Variants in DCLK1 observed in about 807,000 individuals in gnomAD.
DCLK1 encodes serine/threonine-protein kinase DCLK1.
A neutral mutation model predicts 86.2 loss-of-function variants in DCLK1; 16 were observed. That is an observed-to-expected ratio of 0.19 (90% CI 0.13 to 0.28). The LOEUF is 0.28. Ranked by LOEUF, DCLK1 falls within the 10% of genes least tolerant of loss-of-function variation. DCLK1 has a pLI of 1.00. For synonymous variants in DCLK1, 369 were observed against 370.5 expected (o/e 1.00, Z 0.05); for missense variants, 590 against 940.2 (o/e 0.63, Z 4.87).
chr13:36,002,218 C>T (rs1291460536), intron 3 of DCLK1, among the ~76,000 whole-genome samples: 3 of 152,118 alleles, frequency 2.0e-5, no homozygotes, highest in African/African-American at 7.2e-5. Flanking sequence ...AGTGAGGTGA[C>T]AAACATTTCC....
intron 3 of DCLK1, among the ~76,000 whole-genome samples, chr13:36,086,169 C>T (rs532914729): frequency 6.6e-6 from 1 of 152,272 alleles, no homozygotes; most frequent in Admixed American, 6.5e-5. Flanking sequence ...CACTGTTTAC[C>T]CATCTGACAT....
chr13:35,792,111 A>C (rs937949830), intron 16 of DCLK1, among the ~76,000 whole-genome samples: 4 of 152,248 alleles, frequency 2.6e-5, no homozygotes, highest in Admixed American at 6.5e-5. Flanking sequence ...GAACAACTTG[A>C]AATTTTAAAA....
intron 3 of DCLK1, among the ~76,000 whole-genome samples, chr13:36,033,874 G>A (rs954021875): frequency 2.6e-5 from 4 of 152,158 alleles, no homozygotes; most frequent in African/African-American, 9.7e-5. Flanking sequence ...GTGGTGAGCC[G>A]AAGTCGCACC....
intron 11 of DCLK1, among the ~76,000 whole-genome samples, chr13:35,820,978 C>T (rs2087379761): frequency 6.6e-6 from 1 of 152,226 alleles, no homozygotes; most frequent in Non-Finnish European, 1.5e-5. Flanking sequence ...ATGTGTCTCT[C>T]TTGTTCCCTG....
intron 3 of DCLK1, among the ~76,000 whole-genome samples, chr13:36,042,161 G>A (rs972422433): frequency 6.6e-6 from 1 of 152,156 alleles, no homozygotes; most frequent in Non-Finnish European, 1.5e-5. Context: ...GGGAATATTT[G>A]GCATCCTGTC....
chr13:35,822,321 T>C (rs755324722), intron 11 of DCLK1, among the ~76,000 whole-genome samples: 2 of 138,784 alleles, frequency 1.4e-5, no homozygotes, highest in Non-Finnish European at 3.1e-5. Flanking sequence ...GTCCGGCTAA[T>C]TAAAAAAAAT....
At chr13:35,833,289 A>C (rs901324636) in intron 8 of DCLK1, among the ~76,000 whole-genome samples, 2 of 152,144 alleles carry the variant, frequency 1.3e-5, no homozygotes, top group African/African-American at 2.4e-5. Context: ...TGGCTCGTGT[A>C]GTTATTAGTC....
At position 36,013,644 on chromosome 13, in the gene DCLK1, G is replaced by T. The variant is rs1465070522; in HGVS notation, c.724-66187C>A. Among the ~76,000 whole-genome samples the T allele has an allele frequency of 1.9e-3, 292 of 152,222 alleles. 1 individual carries two copies. The highest frequency in any genetic ancestry group is 4.3e-3 in the Admixed American group (65 of 15,288). ...TGCTCTCTTCAAAGCTGTCAGACAG[G>T]GACATTTAAGTCTGCAGAGGTTACT... On this transcript the variant is annotated intron_variant, in intron 3 of 16. Coordinates refer to ENST00000360631, the MANE Select transcript of DCLK1 (RefSeq NM_001330071.2).
intron 4 of DCLK1, among the ~76,000 whole-genome samples, chr13:35,945,179 C>T (rs543051533): frequency 1.8e-4 from 28 of 152,244 alleles, no homozygotes; most frequent in Non-Finnish European, 3.1e-4. Context: ...GGTTTACAGG[C>T]GTGAGCCACT....
intron 5 of DCLK1, among the ~76,000 whole-genome samples, chr13:35,860,461 C>T (rs1871317573): frequency 6.6e-6 from 1 of 152,076 alleles, no homozygotes; most frequent in African/African-American, 2.4e-5. Flanking sequence ...TTCTCCATGT[C>T]TGTTTCCTCT....
chr13:35,909,788 C>A lies in DCLK1; in HGVS notation c.823+37570G>T, dbSNP rs1874905875. The stretch of plus-strand genomic sequence containing the variant: ...GGAGGCATTTTCAACGAGAGCTAAT[C>A]CTTTTTACTAGAAAGGGTGAAATGA... On this transcript the variant is annotated intron_variant, in intron 4 of 16. Coordinates refer to ENST00000360631, the MANE Select transcript of DCLK1 (RefSeq NM_001330071.2). Among the ~76,000 whole-genome samples, 5 of 151,918 alleles carry A rather than the reference C, an allele frequency of 3.3e-5. No individual in the cohort carries two copies. In the South Asian group the frequency reaches 1.0e-3, roughly 32 times the overall value.
intron 5 of DCLK1, among the ~76,000 whole-genome samples, chr13:35,862,520 T>G (rs1024239533): frequency 1.2e-4 from 19 of 152,168 alleles, no homozygotes; most frequent in African/African-American, 4.6e-4. Context: ...CATGCCACTG[T>G]TTCCAAAACT....
At chr13:35,783,238 G>A (rs544444372) in intron 16 of DCLK1, among the ~76,000 whole-genome samples, 2 of 152,290 alleles carry the variant, frequency 1.3e-5, no homozygotes, top group Admixed American at 1.3e-4. Flanking sequence ...GCCTCTCTCT[G>A]GAGAGACATC....
chr13:35,777,218 C>T (rs9574568), intron 16 of DCLK1, among the ~76,000 whole-genome samples: 31,219 of 152,080 alleles, frequency 0.21, 3,899 homozygotes, highest in East Asian at 0.49. Context: ...AAATATATCA[C>T]GGTCATGGGC....
At position 35,774,643 on chromosome 13, in the gene DCLK1, C is replaced by G; in HGVS notation, c.2115G>C (p.Val705=). 6.2e-7 allele frequency: 1 copy of G among 1,609,088 alleles called. No homozygotes were observed. Among genetic ancestry groups the G allele is most frequent in the Admixed American group, 1.7e-5 (1 of 59,596 alleles). Reference sequence around the variant, plus strand: ...CTGGCTGCGCCTTGTACCGGCTCCTCACATCCTGGTTGCGTCTTCGTCGGA... The same window carrying G: ...CTGGCTGCGCCTTGTACCGGCTCCTGACATCCTGGTTGCGTCTTCGTCGGA... ...QVFRRRRNQD[V]RSRYKAQPAP... Residue 705 remains valine (V), a synonymous_variant, in exon 17 of 17, where the codon GTG becomes GTC. Coordinates refer to ENST00000360631, the MANE Select transcript of DCLK1 (RefSeq NM_001330071.2).
At chr13:35,846,467 T>C in intron 6 of DCLK1, 1 of 985,372 alleles carries the variant, frequency 1.0e-6, no homozygotes, top group Non-Finnish European at 1.2e-6. Context: ...TCATTTATAC[T>C]ATCTTGGAAT....
intron 3 of DCLK1, among the ~76,000 whole-genome samples, chr13:36,111,095 A>G (rs1187741252): frequency 6.6e-6 from 1 of 151,900 alleles, no homozygotes; most frequent in Admixed American, 6.5e-5. Context: ...CGGCCTCCCA[A>G]AGTGCTGGGA....
intron 8 of DCLK1, among the ~76,000 whole-genome samples, chr13:35,832,614 CACAATG>C (rs1869046034): frequency 6.6e-6 from 1 of 152,128 alleles, no homozygotes; most frequent in South Asian, 2.1e-4. Flanking sequence ...TGGCAGTTAG[CACAATG>C]ACAGGAATAC....
At chr13:35,849,030 T>G (rs1926464) in intron 6 of DCLK1, 916,213 of 985,236 alleles carry the variant, frequency 0.93, 426,156 homozygotes, top group East Asian at 1. Context: ...AGATGGAATG[T>G]TTCAGTTTGC....
Sources: allele counts gnomAD v4.1 joint callset (sites outside exome capture counted in the v4.1 genomes callset), GRCh38; gene constraint gnomAD v4.1.1; transcripts MANE v1.5; gene names NCBI Gene and HGNC (gene_info 2026-07-23, HGNC 2026-07-21).